Variants in RAPGEF1 observed in about 807,000 individuals in gnomAD.
RAPGEF1 encodes CRK SH3-binding GNRP.
Under a neutral mutation model 143.3 loss-of-function variants are expected in RAPGEF1, and 33 were observed. The observed-to-expected ratio is 0.23, with a 90% CI of 0.17 to 0.31. The LOEUF (loss-of-function observed/expected upper bound fraction) is 0.31, where lower values mean the gene tolerates loss of function less well. RAPGEF1 is among the 10% of genes least tolerant of loss of function. The pLI, the probability that RAPGEF1 is intolerant of heterozygous loss-of-function variation, is 1.00. For synonymous variants in RAPGEF1, 629 were observed against 676.5 expected (o/e 0.93, Z 1.09); for missense variants, 1,199 against 1,645.4 (o/e 0.73, Z 4.69).
intron 3 of RAPGEF1, among the ~76,000 whole-genome samples, chr9:131,648,407 A>G (rs1970237402): frequency 6.6e-6 from 1 of 152,092 alleles, no homozygotes; most frequent in Admixed American, 6.5e-5. Context: ...AAACAAACAA[A>G]CAAAAAAACA....
chr9:131,735,556 T>C (rs1369145463), intron 1 of RAPGEF1, among the ~76,000 whole-genome samples: 3 of 152,232 alleles, frequency 2.0e-5, no homozygotes, highest in Non-Finnish European at 4.4e-5. Flanking sequence ...ATGGAGCCGG[T>C]GCTCAATCCC....
intron 1 of RAPGEF1, among the ~76,000 whole-genome samples, chr9:131,705,379 C>A (rs577470746): frequency 4.0e-5 from 6 of 151,770 alleles, no homozygotes; most frequent in African/African-American, 9.7e-5. Context: ...AAAAAAAAAA[C>A]CATGGATGTA....
At chr9:131,609,073 T>G (rs1007033363) in intron 12 of RAPGEF1, among the ~76,000 whole-genome samples, 1 of 152,182 alleles carries the variant, frequency 6.6e-6, no homozygotes, top group Non-Finnish European at 1.5e-5. Context: ...GCTGCCTGTC[T>G]GAGACTTGCA....
chr9:131,580,209 G>T, intron 26 of RAPGEF1, 54 bp downstream of exon 26: 1 of 1,602,650 alleles, frequency 6.2e-7, no homozygotes. Flanking sequence ...GTCTCTCCTT[G>T]TGTGTGGCCC....
intron 15 of RAPGEF1, 57 bp from the exon 16 acceptor site, chr9:131,598,367 T>TTGGCCTCCAGGCATC: frequency 2.7e-6 from 4 of 1,477,348 alleles, no homozygotes; most frequent in Non-Finnish European, 3.7e-6. Context: ...TCCCGATGCC[T>TTGGCCTCCAGGCATC]GGAGGCCAAG....
chr9:131,689,634 G>A (rs895951322), intron 1 of RAPGEF1, among the ~76,000 whole-genome samples: 1 of 151,998 alleles, frequency 6.6e-6, no homozygotes, highest in Non-Finnish European at 1.5e-5. Context: ...TGCCTCCTGG[G>A]TTCAAGCGCT....
At chr9:131,627,178 C>T (rs969359317) in intron 9 of RAPGEF1, among the ~76,000 whole-genome samples, 1 of 131,876 alleles carries the variant, frequency 7.6e-6, no homozygotes, top group Non-Finnish European at 1.5e-5. Context: ...CATGTCACTA[C>T]ACTCCAGCCT....
intron 1 of RAPGEF1, among the ~76,000 whole-genome samples, chr9:131,738,918 A>G (rs1049617346): frequency 6.6e-6 from 1 of 152,144 alleles, no homozygotes; most frequent in Non-Finnish European, 1.5e-5. Context: ...TCAGCCGCCA[A>G]GCTAACCTGC....
chr9:131,711,214 C>T (rs189588260), intron 1 of RAPGEF1, among the ~76,000 whole-genome samples: 2 of 151,838 alleles, frequency 1.3e-5, no homozygotes, highest in East Asian at 1.9e-4. Context: ...CCTCGCCTGG[C>T]TAATTTTTAA....
In RAPGEF1 at chr9:131,584,586, T is replaced by C. The variant is rs376105574; in HGVS notation, c.3244A>G (p.Ile1082Val). Residue 1082 changes from isoleucine to valine, a missense_variant, in exon 23 of 27, where the codon ATA becomes GTA. Ile to Val is a conservative substitution (Grantham distance 29). Coordinates refer to ENST00000683357, the MANE Select transcript of RAPGEF1 (RefSeq NM_001377935.1). The surrounding 1 kb of genome is among the most constrained non-coding windows in gnomAD (Gnocchi z 6.8). ...TGGGCCTTTTCCTGTAACATGATTA[T>C]GGACCGGACCCTGCATGGACCAAGG... The part of the protein sequence containing the change: ...FNNMSYWVRS[I>V]IMLQEKAQDR... 6.2e-7 allele frequency: 1 copy of C among 1,613,910 alleles called. No individual in the cohort carries two copies. Among genetic ancestry groups the C allele is most frequent in the Non-Finnish European group, 8.5e-7 (1 of 1,179,840 alleles).
intron 3 of RAPGEF1, among the ~76,000 whole-genome samples, chr9:131,649,703 C>T (rs775375414): frequency 1.3e-5 from 2 of 152,156 alleles, no homozygotes; most frequent in Non-Finnish European, 2.9e-5. Flanking sequence ...CTTGGTTATG[C>T]GGCGGTCTCA....
chr9:131,680,755 C>G (rs1304719400), intron 1 of RAPGEF1, among the ~76,000 whole-genome samples: 1 of 152,186 alleles, frequency 6.6e-6, no homozygotes, highest in East Asian at 1.9e-4. Flanking sequence ...AATCTCTGTT[C>G]AGGGCTCTCA....
At chr9:131,658,003 A>G (rs1393458011) in intron 1 of RAPGEF1, among the ~76,000 whole-genome samples, 1 of 152,202 alleles carries the variant, frequency 6.6e-6, no homozygotes, top group Non-Finnish European at 1.5e-5. Flanking sequence ...ATGCTGAGAA[A>G]TTCCGTAGAT....
chr9:131,628,810 C>T lies in RAPGEF1; in HGVS notation c.894-138G>A. 1 of 1,177,320 alleles carries T rather than the reference C, an allele frequency of 8.5e-7. No individual in the cohort carries two copies. Among genetic ancestry groups the T allele is most frequent in the Non-Finnish European group, 1.2e-6 (1 of 845,650 alleles). 72.9% of individuals were successfully genotyped at this position (1,177,320 alleles called of 1,614,324 possible). A position where few individuals can be genotyped will look rare whatever the true frequency, so the allele number is the denominator to read the frequency against. ...ATGTTCACACTTCAACTCCTGCCTA[C>T]TCCCCTCCGCCAAAATAAAACCTGT... On this transcript the variant is annotated intron_variant, in intron 7 of 26. Transcript: ENST00000683357. This position sits in a 1 kb window ranked among gnomAD's most constrained non-coding sequence, Gnocchi z 5.7.
chr9:131,713,263 G>A (rs1033070650), intron 1 of RAPGEF1, among the ~76,000 whole-genome samples: 4 of 152,128 alleles, frequency 2.6e-5, no homozygotes, highest in African/African-American at 4.8e-5. Context: ...CACTCCTTCA[G>A]GTATGACTAC....
chr9:131,597,608 ACT>A (rs1955523341), intron 16 of RAPGEF1, among the ~76,000 whole-genome samples: 1 of 152,002 alleles, frequency 6.6e-6, no homozygotes, highest in South Asian at 2.1e-4. Flanking sequence ...GAGGCAGGGC[ACT>A]CTCTGTCCTG....
At position 131,587,772 on chromosome 9, in the gene RAPGEF1, G is replaced by T. The variant is rs747078700; in HGVS notation, c.3197C>A (p.Thr1066Asn). ...EQNEEKSPNL[T>N]QFTEHFNNMS... Reference sequence around the variant, plus strand: ...GTTGTTGAAGTGCTCCGTGAACTGGGTCAAGTTGGGGCTCTTCTCCTCATT... The same window carrying T: ...GTTGTTGAAGTGCTCCGTGAACTGGTTCAAGTTGGGGCTCTTCTCCTCATT... The change falls in exon 22 of 27, where the codon ACC becomes AAC. Residue 1066 changes from threonine to asparagine, a missense_variant. Around this residue, in one of 6 missense-constraint regions of RAPGEF1, gnomAD observed 209 missense variants for 403.0 expected, o/e 0.52. Transcript: ENST00000683357. 6.2e-7 allele frequency: 1 copy of T among 1,613,816 alleles called. No individual in the cohort carries two copies. Among genetic ancestry groups the T allele is most frequent in the East Asian group, 2.2e-5 (1 of 44,884 alleles).
chr9:131,622,656 A>G (rs1961513807), intron 10 of RAPGEF1, among the ~76,000 whole-genome samples: 1 of 152,220 alleles, frequency 6.6e-6, no homozygotes, highest in Non-Finnish European at 1.5e-5. Flanking sequence ...AGCTCCAACA[A>G]GCACCGAGCA....
intron 1 of RAPGEF1, among the ~76,000 whole-genome samples, chr9:131,685,167 A>G (rs927607889): frequency 1.3e-5 from 2 of 152,236 alleles, no homozygotes; most frequent in African/African-American, 2.4e-5. Flanking sequence ...CTGTGATTTC[A>G]ATGATGATTG....
Sources: allele counts gnomAD v4.1 joint callset (sites outside exome capture counted in the v4.1 genomes callset), GRCh38; gene constraint gnomAD v4.1.1; regional missense constraint gnomAD v4.1.1; non-coding constraint Gnocchi (gnomAD v3.1); transcripts MANE v1.5; gene names NCBI Gene and HGNC (gene_info 2026-07-23, HGNC 2026-07-21).